Variants in GALNT11 observed in about 807,000 individuals in gnomAD.
GALNT11 encodes the protein polypeptide N-acetylgalactosaminyltransferase 11.
A neutral mutation model predicts 72.7 loss-of-function variants in GALNT11; 47 were observed. That is an observed-to-expected ratio of 0.65 (90% CI 0.51 to 0.82). The LOEUF (loss-of-function observed/expected upper bound fraction) is 0.82. Among genes scored for constraint, GALNT11 ranks in the 40% least tolerant of loss-of-function variants. The pLI is 0.00. For synonymous variants in GALNT11, 270 were observed against 286.6 expected, an observed-to-expected ratio of 0.94 and a Z score of 0.58; for missense variants, 677 against 778.4, an observed-to-expected ratio of 0.87 and a Z score of 1.55.
chr7:152,045,363 T>G (rs1460279048), intron 1 of GALNT11, among the ~76,000 whole-genome samples: 1 of 152,170 alleles, frequency 6.6e-6, no homozygotes, highest in Non-Finnish European at 1.5e-5. Context: ...GTAGGATTGG[T>G]ATTAGTTCTT....
intron 1 of GALNT11, among the ~76,000 whole-genome samples, chr7:152,054,548 C>G (rs1195560101): frequency 4.8e-5 from 6 of 124,492 alleles, no homozygotes; most frequent in Non-Finnish European, 9.6e-5. Flanking sequence ...CATGCTGTTT[C>G]CCTGGCAGAA....
At chr7:152,056,033 G>T (rs2083659769) in intron 1 of GALNT11, among the ~76,000 whole-genome samples, 1 of 151,604 alleles carries the variant, frequency 6.6e-6, no homozygotes, top group South Asian at 2.1e-4. Flanking sequence ...TCACTAATTT[G>T]TTCTCTGTTT....
At chr7:152,097,528 G>T (rs568089341) in intron 2 of GALNT11, among the ~76,000 whole-genome samples, 1 of 152,316 alleles carries the variant, frequency 6.6e-6, no homozygotes, top group South Asian at 2.1e-4. Context: ...GTCAACAGGT[G>T]CTCGAAAACT....
At chr7:152,027,110 G>T (rs780164913) in intron 1 of GALNT11, among the ~76,000 whole-genome samples, 1 of 152,096 alleles carries the variant, frequency 6.6e-6, no homozygotes, top group African/African-American at 2.4e-5. Flanking sequence ...TAAGCCGGGC[G>T]TGGTGGCAGG....
chr7:152,032,776 C>T (rs540986473), intron 1 of GALNT11, among the ~76,000 whole-genome samples: 26 of 152,270 alleles, frequency 1.7e-4, no homozygotes, highest in African/African-American at 5.8e-4. Flanking sequence ...GTAACTTGTT[C>T]CCCATATTCA....
intron 2 of GALNT11, among the ~76,000 whole-genome samples, chr7:152,100,376 G>A (rs2086774197): frequency 6.6e-6 from 1 of 151,904 alleles, no homozygotes; most frequent in African/African-American, 2.4e-5. Flanking sequence ...GACCATCCTG[G>A]CCAATATGGT....
At chr7:152,086,315 G>A (rs76363747) in intron 1 of GALNT11, among the ~76,000 whole-genome samples, 1,558 of 152,244 alleles carry the variant, frequency 0.01, 18 homozygotes, top group South Asian at 0.024. Flanking sequence ...GAGAGCCACC[G>A]CGCCCAGCCC....
At chr7:152,065,704 C>T (rs2129003577) in intron 1 of GALNT11, among the ~76,000 whole-genome samples, 1 of 152,302 alleles carries the variant, frequency 6.6e-6, no homozygotes, top group East Asian at 1.9e-4. Flanking sequence ...GCTGGAAGTC[C>T]ACTCCAGACC....
At chr7:152,113,679 C>G (rs960507862) in intron 8 of GALNT11, among the ~76,000 whole-genome samples, 2 of 138,666 alleles carry the variant, frequency 1.4e-5, no homozygotes, top group African/African-American at 5.5e-5. Flanking sequence ...TCCGTCTGGT[C>G]TCTCTATTGT....
At chr7:152,037,853 C>G (rs554045351) in intron 1 of GALNT11, among the ~76,000 whole-genome samples, 11 of 152,176 alleles carry the variant, frequency 7.2e-5, no homozygotes, top group African/African-American at 1.9e-4. Flanking sequence ...ACTGCAACCT[C>G]CACCTCCTGG....
At chr7:152,029,191 C>T (rs1440044238) in intron 1 of GALNT11, among the ~76,000 whole-genome samples, 1 of 152,120 alleles carries the variant, frequency 6.6e-6, no homozygotes, top group Non-Finnish European at 1.5e-5. Flanking sequence ...AGGTCTAGGC[C>T]TCGGTGGTTT....
At chr7:152,033,582 AGTACATTTTCTTAAGGCCTCCT>A (rs1434237579) in intron 1 of GALNT11, among the ~76,000 whole-genome samples, 2 of 152,186 alleles carry the variant, frequency 1.3e-5, no homozygotes, top group African/African-American at 4.8e-5. Context: ...GTGACAGGGG[AGTACATTTTCTTAAGGCCTCCT>A]GTAGCCACTT....
chr7:152,083,577 T>G (rs1003431876), intron 1 of GALNT11, among the ~76,000 whole-genome samples: 2 of 152,206 alleles, frequency 1.3e-5, no homozygotes, highest in Admixed American at 6.5e-5. Flanking sequence ...GCTGCGCTGT[T>G]TGGATAGAGA....
chr7:152,026,422 C>A (rs894238521), intron 1 of GALNT11, among the ~76,000 whole-genome samples: 1 of 152,202 alleles, frequency 6.6e-6, no homozygotes, highest in Non-Finnish European at 1.5e-5. Context: ...AGCTCCCTCA[C>A]CCTTTGGCCA....
rs560079129 is a variant in GALNT11 at position 152,105,363 on chromosome 7, C to T, written c.705C>T (p.His235=). The change falls in exon 5 of 12, where the codon CAC becomes CAT. Residue 235 remains histidine (H), a synonymous_variant. Coordinates refer to ENST00000430044, the MANE Select transcript of GALNT11 (RefSeq NM_022087.4). ...LIRGRMIGAA[H]ATGEVLVFLD... is the part of the protein sequence containing the mutation. ...GAGGGAGAATGATTGGCGCGGCCCA[C>T]GCGACAGGTATCACTTCTCGTTAGC... 2.2e-5 allele frequency: 36 copies of T among 1,612,246 alleles called. 1 individual carries two copies. Among genetic ancestry groups the T allele is most frequent in the Middle Eastern group, 1.7e-4 (1 of 6,052 alleles).
chr7:152,060,167 T>G (rs1563051729), intron 1 of GALNT11, among the ~76,000 whole-genome samples: 1 of 152,244 alleles, frequency 6.6e-6, no homozygotes, highest in Non-Finnish European at 1.5e-5. Flanking sequence ...TTCAAACATT[T>G]CTTCTGCAGC....
intron 1 of GALNT11, among the ~76,000 whole-genome samples, chr7:152,033,045 T>C (rs2082380263): frequency 6.6e-6 from 1 of 152,154 alleles, no homozygotes; most frequent in South Asian, 2.1e-4. Flanking sequence ...TGGCCTTCAA[T>C]GGTTAAATGT....
intron 2 of GALNT11, among the ~76,000 whole-genome samples, chr7:152,095,560 A>G (rs1364681931): frequency 6.6e-6 from 1 of 152,196 alleles, no homozygotes; most frequent in African/African-American, 2.4e-5. Flanking sequence ...ACAAGCTAAT[A>G]TCTACTTCAG....
intron 1 of GALNT11, among the ~76,000 whole-genome samples, chr7:152,091,986 G>A (rs1399298430): frequency 6.6e-6 from 1 of 152,140 alleles, no homozygotes; most frequent in Admixed American, 6.5e-5. Flanking sequence ...TGGTGGAAGC[G>A]GGAAGGCCGG....
Sources: allele counts gnomAD v4.1 joint callset (sites outside exome capture counted in the v4.1 genomes callset), GRCh38; gene constraint gnomAD v4.1.1; transcripts MANE v1.5; gene names NCBI Gene and HGNC (gene_info 2026-07-23, HGNC 2026-07-21).